The following BRDT variants were observed in gnomAD, a reference collection of about 807,000 sequenced individuals.
BRDT encodes the protein bromodomain testis-specific protein.
In BRDT, 77 loss-of-function variants were observed where a neutral mutation model predicts 113.9. The observed-to-expected ratio is 0.68, with a 90% CI of 0.56 to 0.82. The LOEUF (loss-of-function observed/expected upper bound fraction) is 0.82, where lower values mean the gene tolerates loss of function less well. BRDT is among the 40% of genes least tolerant of loss of function. BRDT has a pLI of 0.00. For synonymous variants in BRDT, 358 were observed against 366.5 expected (o/e 0.98, Z 0.26); for missense variants, 1,027 against 1,105.4 (o/e 0.93, Z 1.01).
At chr1:91,978,670 T>C (rs2101659273) in intron 7 of BRDT, among the ~76,000 whole-genome samples, 1 of 152,142 alleles carries the variant, frequency 6.6e-6, no homozygotes, top group East Asian at 1.9e-4. Flanking sequence ...CTGCAGGTAA[T>C]AGAATGATCT....
rs1368559634 is a variant in BRDT at position 91,953,960 on chromosome 1, G to GT, written c.-38+4286dup. 8.6e-5 allele frequency among the ~76,000 whole-genome samples: 13 copies of GT among 150,608 alleles called. No homozygotes were observed. The East Asian group carries it at 9.8e-4, about 11-fold the overall frequency. ...TACTTAGCATTTTCTTCTCCTACCTGTTTTTTTTGTTTGTTTTGTTTTGTT... is the reference window on the plus strand; with the variant it reads ...TACTTAGCATTTTCTTCTCCTACCTGTTTTTTTTTGTTTGTTTTGTTTTGTT... On this transcript the variant is annotated intron_variant, in intron 1 of 18. Transcript: ENST00000399546.
intron 4 of BRDT, among the ~76,000 whole-genome samples, chr1:91,971,113 G>A (rs991004392): frequency 1.3e-5 from 2 of 151,982 alleles, no homozygotes; most frequent in African/African-American, 2.4e-5. Context: ...GGTGGGGGTA[G>A]GGGAGAGGTG....
intron 1 of BRDT, among the ~76,000 whole-genome samples, chr1:91,954,745 C>A (rs1187378722): frequency 2.6e-5 from 4 of 151,964 alleles, no homozygotes; most frequent in Non-Finnish European, 5.9e-5. Flanking sequence ...CACTTGAGAA[C>A]CAAGAGTTTA....
chr1:91,986,827 T>A (rs1455943817), intron 12 of BRDT, among the ~76,000 whole-genome samples: 1 of 152,150 alleles, frequency 6.6e-6, no homozygotes, highest in Non-Finnish European at 1.5e-5. Context: ...GGAGGATGAT[T>A]TAGTAAGTGC....
intron 1 of BRDT, among the ~76,000 whole-genome samples, chr1:91,955,369 G>C (rs60765274): frequency 0.067 from 10,168 of 152,000 alleles, 399 homozygotes; most frequent in African/African-American, 0.096. Flanking sequence ...CAGAAGAATC[G>C]CTTGAACCCG....
rs567754730 is a variant in BRDT, at chr1:91,967,030, C to T, written c.331-1116C>T. ...GTTGCAGTGAGCCGAGATTGCGCCA[C>T]TGTACTCCAGCCTGGGAGACAGAGT... On this transcript the variant is annotated intron_variant, in intron 3 of 18. Transcript: ENST00000399546. Among the ~76,000 whole-genome samples, 5 of 152,242 alleles carry T rather than the reference C, an allele frequency of 3.3e-5. No homozygotes were observed. In the South Asian group the frequency reaches 6.2e-4, roughly 19 times the overall value.
chr1:91,962,965 ATG>A lies in BRDT; in HGVS notation c.192+21_192+22del, dbSNP rs1682648659. 14 of 1,493,294 alleles carry A rather than the reference ATG, an allele frequency of 9.4e-6. No individual in the cohort carries two copies. The highest frequency in any genetic ancestry group is 1.1e-5 in the Non-Finnish European group (12 of 1,118,236). 92.5% of individuals were successfully genotyped at this position (1,493,294 alleles called of 1,614,324 possible). A position where few individuals can be genotyped will look rare whatever the true frequency, so the allele number is the denominator to read the frequency against. On this transcript the variant is annotated intron_variant, in intron 2 of 18. Transcript: ENST00000399546. ...GTTGCCTGTATGTATGTCTTCAACT[ATG>A]TTAGTTTCAAAAAAAGAAAACTCCT...
intron 12 of BRDT, among the ~76,000 whole-genome samples, chr1:91,988,622 A>G (rs1000418851): frequency 7.9e-5 from 12 of 151,866 alleles, no homozygotes; most frequent in African/African-American, 2.7e-4. Flanking sequence ...GCTGGTCTCA[A>G]ACTCCTGACC....
chr1:92,003,587 G>A lies in BRDT; in HGVS notation c.2389-827G>A, dbSNP rs77480738. 2.6e-3 allele frequency among the ~76,000 whole-genome samples: 395 copies of A among 152,046 alleles called. 2 individuals are homozygous for A. Among genetic ancestry groups the A allele is most frequent in the African/African-American group, 9.3e-3 (385 of 41,508 alleles). ...TTTAAAATGGACACAATTCAGTTTCGGAAGACTTAGATGTGTTTGGAACAG... is the reference window on the plus strand; with the variant it reads ...TTTAAAATGGACACAATTCAGTTTCAGAAGACTTAGATGTGTTTGGAACAG... On this transcript the variant is annotated intron_variant, in intron 16 of 18. Transcript: ENST00000399546.
At chr1:92,010,373 C>G (rs558309289) in intron 18 of BRDT, among the ~76,000 whole-genome samples, 1 of 143,594 alleles carries the variant, frequency 7.0e-6, no homozygotes, top group South Asian at 2.2e-4. Context: ...CTCCCAGGTT[C>G]AAGTGATTCT....
intron 3 of BRDT, among the ~76,000 whole-genome samples, chr1:91,966,491 T>G (rs1046946511): frequency 6.6e-6 from 1 of 152,194 alleles, no homozygotes; most frequent in African/African-American, 2.4e-5. Flanking sequence ...CTCACCCTCC[T>G]AAGTAGCTGG....
chr1:91,967,026 G>A (rs934266182), intron 3 of BRDT, among the ~76,000 whole-genome samples: 2 of 152,090 alleles, frequency 1.3e-5, no homozygotes, highest in African/African-American at 2.4e-5. Flanking sequence ...CCGAGATTGC[G>A]CCACTGTACT....
intron 18 of BRDT, among the ~76,000 whole-genome samples, chr1:92,007,009 G>T (rs1053337264): frequency 6.6e-6 from 1 of 151,788 alleles, no homozygotes; most frequent in African/African-American, 2.4e-5. Flanking sequence ...GGCTGGTCTC[G>T]GACTCCTGAG....
At chr1:91,970,910 CAAAAAA>C (rs56365341) in intron 4 of BRDT, among the ~76,000 whole-genome samples, 2 of 113,926 alleles carry the variant, frequency 1.8e-5, no homozygotes, top group East Asian at 2.7e-4. Flanking sequence ...GACCCTTTCT[CAAAAAA>C]AAAAAAAAAA....
At chr1:91,991,880 T>C (rs545884992) in intron 13 of BRDT, among the ~76,000 whole-genome samples, 1 of 150,218 alleles carries the variant, frequency 6.7e-6, no homozygotes, top group Admixed American at 6.7e-5. Flanking sequence ...TAATCCCAGC[T>C]ACTTGGGAGG....
In BRDT at chr1:91,977,172, C is replaced by A. The variant is rs1283417459; in HGVS notation, c.748C>A (p.Pro250Thr). The A allele has an allele frequency of 1.2e-6, 2 of 1,613,776 alleles. No individual in the cohort carries two copies. Among genetic ancestry groups the A allele is most frequent in the African/African-American group, 2.7e-5 (2 of 74,904 alleles). ...VALPPIKENM[P>T]KNVLPDSQQQ... Reference sequence around the variant, plus strand: ...ACTGCCACCTATAAAAGAAAATATGCCAAAGAATGTTTTGCCAGATTCTCA... The same window carrying A: ...ACTGCCACCTATAAAAGAAAATATGACAAAGAATGTTTTGCCAGATTCTCA... The change falls in exon 6 of 19, where the codon CCA becomes ACA. Residue 250 changes from proline (P) to threonine (T), a missense_variant. Transcript: ENST00000399546.
At chr1:91,991,296 T>A (rs1311709113) in intron 13 of BRDT, 51 bp downstream of exon 13, 1 of 1,077,376 alleles carries the variant, frequency 9.3e-7, no homozygotes, top group Non-Finnish European at 1.3e-6. Flanking sequence ...GTATAACTCA[T>A]GGGTATAGTA....
At chr1:92,007,799 GATA>G (rs1372483447) in intron 18 of BRDT, among the ~76,000 whole-genome samples, 1 of 152,068 alleles carries the variant, frequency 6.6e-6, no homozygotes, top group East Asian at 1.9e-4. Flanking sequence ...CTTAAATACT[GATA>G]ATATCTCTTA....
chr1:91,994,152 G>C lies in BRDT; in HGVS notation c.2185G>C (p.Val729Leu), dbSNP rs1235177059. Residue 729 changes from valine to leucine, a missense_variant, in exon 15 of 19, where the codon GTA (valine) becomes CTA (leucine). Transcript: ENST00000399546. ...TLVHQTTPSH[V>L]MPPNHHQLAF... ...TGTTCATCAGACCACACCTTCACAT[G>C]TAATGCCACCAAATCACCACCAATT... 1 of 1,613,568 alleles carries C rather than the reference G, an allele frequency of 6.2e-7. No individual in the cohort carries two copies. Among genetic ancestry groups the C allele is most frequent in the African/African-American group, 1.3e-5 (1 of 74,912 alleles).
Sources: gnomAD v4.1 joint callset for allele counts (sites outside exome capture counted in the v4.1 genomes callset) on GRCh38, gnomAD v4.1.1 for gene constraint, MANE v1.5 for transcripts, NCBI Gene and HGNC (gene_info 2026-07-23, HGNC 2026-07-21) for gene names.